The following CDH13 variants were observed in gnomAD, a reference collection of about 807,000 sequenced individuals.
CDH13 encodes cadherin 13, also known as cadherin-13.
CDH13 carries 24 observed loss-of-function variants against 63.8 expected under a neutral mutation model. That is an observed-to-expected ratio of 0.38 (90% CI 0.27 to 0.53). The LOEUF (loss-of-function observed/expected upper bound fraction) is 0.53. Ranked by LOEUF, CDH13 falls within the 20% of genes least tolerant of loss-of-function variation. CDH13 has a pLI of 0.85. For missense variants in CDH13, 1,049 were observed against 903.1 expected, an observed-to-expected ratio of 1.16 and a Z score of -2.07; for synonymous variants, 503 against 355.3, an observed-to-expected ratio of 1.42 and a Z score of -4.67.
intron 6 of CDH13, among the ~76,000 whole-genome samples, chr16:83,457,727 G>C (rs549146299): frequency 6.6e-6 from 1 of 152,014 alleles, no homozygotes; most frequent in Admixed American, 6.6e-5. Flanking sequence ...AAAAGACAGG[G>C]AACCAGCAGG....
intron 7 of CDH13, among the ~76,000 whole-genome samples, chr16:83,567,417 C>T (rs911301119): frequency 2.0e-5 from 3 of 152,152 alleles, no homozygotes; most frequent in Non-Finnish European, 2.9e-5. Context: ...TCTGCATGTA[C>T]GAGTTGCAGG....
At chr16:82,686,349 C>G (rs1156865866) in intron 1 of CDH13, among the ~76,000 whole-genome samples, 3 of 152,230 alleles carry the variant, frequency 2.0e-5, no homozygotes, top group Admixed American at 1.3e-4. Flanking sequence ...GACTAGAACA[C>G]AATCACCAGT....
In CDH13 at chr16:82,690,985, C is replaced by G. The variant is rs112702843; in HGVS notation, c.45+63848C>G. On this transcript the variant is annotated intron_variant, in intron 1 of 13. Coordinates refer to ENST00000567109, the MANE Select transcript of CDH13 (RefSeq NM_001257.5). ...GGTTGAGAGGAAAGCCAGCCAATGT[C>G]TATAAAGACACATAGGAAATGGGAG... Among the ~76,000 whole-genome samples, 318 of 152,280 alleles carry G rather than the reference C, an allele frequency of 2.1e-3. 2 individuals are homozygous for G. Among genetic ancestry groups the G allele is most frequent in the Middle Eastern group, 0.01 (3 of 294 alleles).
At chr16:83,589,762 C>G (rs1906555561) in intron 7 of CDH13, among the ~76,000 whole-genome samples, 1 of 152,130 alleles carries the variant, frequency 6.6e-6, no homozygotes, top group African/African-American at 2.4e-5. Context: ...ATTATCTCAA[C>G]CAAGAGAGAA....
intron 6 of CDH13, among the ~76,000 whole-genome samples, chr16:83,380,281 G>A (rs2091539044): frequency 6.6e-6 from 1 of 152,102 alleles, no homozygotes; most frequent in South Asian, 2.1e-4. Flanking sequence ...TCCAGATGGT[G>A]GGTGTGCTGA....
chr16:82,807,725 G>A (rs569075918), intron 1 of CDH13, among the ~76,000 whole-genome samples: 2 of 152,280 alleles, frequency 1.3e-5, no homozygotes, highest in South Asian at 2.1e-4. Context: ...GATGAAAGAA[G>A]CAGTTAATTC....
intron 5 of CDH13, among the ~76,000 whole-genome samples, chr16:83,270,334 G>A (rs1347706037): frequency 6.6e-6 from 1 of 152,142 alleles, no homozygotes; most frequent in East Asian, 1.9e-4. Context: ...ACAGACTCAG[G>A]TTTTACAGTC....
intron 7 of CDH13, among the ~76,000 whole-genome samples, chr16:83,530,058 T>C (rs1273064084): frequency 6.6e-6 from 1 of 152,184 alleles, no homozygotes; most frequent in African/African-American, 2.4e-5. Flanking sequence ...TGAAGCATGT[T>C]CTCTGAAGAT....
intron 4 of CDH13, among the ~76,000 whole-genome samples, chr16:83,208,737 C>A (rs1340020814): frequency 6.6e-6 from 1 of 152,148 alleles, no homozygotes; most frequent in East Asian, 1.9e-4. Flanking sequence ...TAGTTTTGCA[C>A]CCTTGTGATA....
At chr16:83,644,145 G>T (rs1968261) in intron 8 of CDH13, among the ~76,000 whole-genome samples, 2 of 152,176 alleles carry the variant, frequency 1.3e-5, no homozygotes, top group African/African-American at 4.8e-5. Context: ...CTTTATCTCA[G>T]CTCTGCCTTC....
At chr16:82,922,717 C>A (rs1217695533) in intron 2 of CDH13, among the ~76,000 whole-genome samples, 2 of 152,106 alleles carry the variant, frequency 1.3e-5, no homozygotes, top group African/African-American at 4.8e-5. Flanking sequence ...GTTGACTAGA[C>A]CTAAGGGAGG....
chr16:83,384,302 C>A (rs2091629402), intron 6 of CDH13, among the ~76,000 whole-genome samples: 1 of 152,158 alleles, frequency 6.6e-6, no homozygotes, highest in African/African-American at 2.4e-5. Flanking sequence ...CTGCTGACTG[C>A]CACCTCTGCC....
At chr16:82,873,363 G>T (rs2040405718) in intron 2 of CDH13, among the ~76,000 whole-genome samples, 1 of 152,220 alleles carries the variant, frequency 6.6e-6, no homozygotes. Flanking sequence ...AAAAGTGTCA[G>T]TGGTGTTACA....
At chr16:83,116,919 G>A (rs1022124292) in intron 3 of CDH13, among the ~76,000 whole-genome samples, 3 of 152,180 alleles carry the variant, frequency 2.0e-5, no homozygotes, top group Admixed American at 1.3e-4. Flanking sequence ...GGACAATGTA[G>A]GTTCTTCAGG....
At chr16:83,762,049 G>A (rs964068604) in intron 11 of CDH13, among the ~76,000 whole-genome samples, 9 of 152,072 alleles carry the variant, frequency 5.9e-5, no homozygotes, top group Non-Finnish European at 5.9e-5. Flanking sequence ...GTGACAGAGC[G>A]AGACCCCACC....
intron 8 of CDH13, among the ~76,000 whole-genome samples, chr16:83,646,712 A>AACAC (rs71382879): frequency 0.041 from 3,194 of 78,186 alleles, 155 homozygotes; most frequent in East Asian, 0.065. Flanking sequence ...AAAAAAAAAA[A>AACAC]ACACACACAC....
intron 10 of CDH13, among the ~76,000 whole-genome samples, chr16:83,718,069 C>T (rs962636158): frequency 2.0e-5 from 3 of 152,158 alleles, no homozygotes; most frequent in Non-Finnish European, 2.9e-5. Context: ...GGATTGCCCC[C>T]GAAGCAGATG....
chr16:83,512,760 G>T (rs117210749), intron 7 of CDH13, among the ~76,000 whole-genome samples: 2 of 151,998 alleles, frequency 1.3e-5, no homozygotes, highest in African/African-American at 4.8e-5. Context: ...CAGGGGCACC[G>T]ATCTAGACCA....
intron 8 of CDH13, among the ~76,000 whole-genome samples, chr16:83,664,064 G>A (rs1913702319): frequency 6.6e-6 from 1 of 151,878 alleles, no homozygotes; most frequent in Non-Finnish European, 1.5e-5. Flanking sequence ...AGCTAAGGCA[G>A]AAGGATCACT....
Sources: gnomAD v4.1 joint callset for allele counts (sites outside exome capture counted in the v4.1 genomes callset) on GRCh38, gnomAD v4.1.1 for gene constraint, MANE v1.5 for transcripts, NCBI Gene and HGNC (gene_info 2026-07-23, HGNC 2026-07-21) for gene names.